PPM1L: variants seen among roughly 807,000 people sequenced by gnomAD.
PPM1L encodes protein phosphatase 1L.
PPM1L carries 13 observed loss-of-function variants against 31.4 expected under a neutral mutation model. The ratio of observed to expected loss-of-function variants is 0.41; its 90% CI spans 0.27 to 0.66. PPM1L has a LOEUF of 0.66. Ranked by LOEUF, PPM1L falls within the 30% of genes least tolerant of loss-of-function variation. The pLI, the probability that PPM1L is intolerant of heterozygous loss-of-function variation, is 0.29. For missense variants in PPM1L, 326 were observed against 453.7 expected, an observed-to-expected ratio of 0.72 and a Z score of 2.56; for synonymous variants, 184 against 175.4, an observed-to-expected ratio of 1.05 and a Z score of -0.39.
At chr3:160,961,314 A>T (rs1715957533) in intron 1 of PPM1L, among the ~76,000 whole-genome samples, 1 of 152,162 alleles carries the variant, frequency 6.6e-6, no homozygotes, top group African/African-American at 2.4e-5. Flanking sequence ...AGTAGAGACT[A>T]ATAAAACAAA....
chr3:160,977,058 A>T (rs1559910990), intron 2 of PPM1L, among the ~76,000 whole-genome samples: 1 of 151,946 alleles, frequency 6.6e-6, no homozygotes, highest in Non-Finnish European at 1.5e-5. Flanking sequence ...CGTCCCAGAG[A>T]TTCTGGTATG....
chr3:160,850,068 A>T (rs1714217255), intron 1 of PPM1L, among the ~76,000 whole-genome samples: 1 of 152,208 alleles, frequency 6.6e-6, no homozygotes, highest in Non-Finnish European at 1.5e-5. Context: ...TCAGACACTG[A>T]TCACAAGTCC....
At chr3:160,913,857 G>T (rs1714060119) in intron 1 of PPM1L, among the ~76,000 whole-genome samples, 1 of 151,952 alleles carries the variant, frequency 6.6e-6, no homozygotes, top group South Asian at 2.1e-4. Flanking sequence ...TCCAGTTTTT[G>T]ACTACCATTA....
intron 2 of PPM1L, among the ~76,000 whole-genome samples, chr3:160,974,204 A>C (rs905533957): frequency 3.0e-4 from 45 of 151,688 alleles, no homozygotes; most frequent in Non-Finnish European, 2.2e-4. Flanking sequence ...CATGAACTCA[A>C]CATTTTTTAT....
chr3:161,041,656 G>A (rs1451846441), intron 2 of PPM1L, among the ~76,000 whole-genome samples: 1 of 152,132 alleles, frequency 6.6e-6, no homozygotes, highest in African/African-American at 2.4e-5. Context: ...GCTGAGGCAG[G>A]AGAATGGTGT....
At chr3:160,979,663 A>G (rs1716730783) in intron 2 of PPM1L, among the ~76,000 whole-genome samples, 2 of 152,084 alleles carry the variant, frequency 1.3e-5, no homozygotes. Flanking sequence ...GGAATTGAGG[A>G]AGGAGACTTA....
At chr3:160,914,838 A>G (rs1434613021) in intron 1 of PPM1L, among the ~76,000 whole-genome samples, 2 of 152,050 alleles carry the variant, frequency 1.3e-5, no homozygotes, top group Non-Finnish European at 2.9e-5. Flanking sequence ...TGGTATTTCT[A>G]GTTCTAGATC....
At chr3:160,818,015 A>G (rs1012952560) in intron 1 of PPM1L, among the ~76,000 whole-genome samples, 2 of 152,010 alleles carry the variant, frequency 1.3e-5, no homozygotes, top group Non-Finnish European at 2.9e-5. Flanking sequence ...AATCACAGTT[A>G]ACAGATGGAA....
intron 1 of PPM1L, among the ~76,000 whole-genome samples, chr3:160,879,819 T>G (rs187965098): frequency 1.3e-5 from 2 of 152,208 alleles, no homozygotes; most frequent in African/African-American, 4.8e-5. Flanking sequence ...CAGCTGGTGC[T>G]TATGCTGCTG....
intron 1 of PPM1L, among the ~76,000 whole-genome samples, chr3:160,762,529 G>A (rs1480083510): frequency 2.0e-5 from 3 of 152,020 alleles, no homozygotes; most frequent in Admixed American, 6.5e-5. Context: ...GTGTCCTCAG[G>A]GAGCATTCTG....
intron 1 of PPM1L, among the ~76,000 whole-genome samples, chr3:160,837,771 A>G (rs1713763350): frequency 6.6e-6 from 1 of 152,184 alleles, no homozygotes; most frequent in Admixed American, 6.5e-5. Context: ...TAAGAGTAAG[A>G]GAAGGGTAGG....
intron 1 of PPM1L, among the ~76,000 whole-genome samples, chr3:160,787,016 T>G (rs1332693180): frequency 1.3e-5 from 2 of 152,210 alleles, no homozygotes; most frequent in Non-Finnish European, 2.9e-5. Context: ...GAGGGGCATC[T>G]AAGTTGATTC....
chr3:160,906,602 TAAAGAAAAGA>T (rs746931085), intron 1 of PPM1L, among the ~76,000 whole-genome samples: 52 of 98,002 alleles, frequency 5.3e-4, no homozygotes, highest in Admixed American at 8.4e-4. Flanking sequence ...CTCTGTCTCA[TAAAGAAAAGA>T]AAAGAAAAGA....
At chr3:161,056,106 G>C (rs1236464610) in intron 2 of PPM1L, among the ~76,000 whole-genome samples, 1 of 152,092 alleles carries the variant, frequency 6.6e-6, no homozygotes, top group Non-Finnish European at 1.5e-5. Context: ...AAGGTTGGAG[G>C]GGGGCAAGGG....
chr3:160,757,376 T>TA (rs1232063533), intron 1 of PPM1L, among the ~76,000 whole-genome samples: 1 of 152,274 alleles, frequency 6.6e-6, no homozygotes, highest in Non-Finnish European at 1.5e-5. Flanking sequence ...CAGAGGTGGC[T>TA]ATGCCCGCAA....
chr3:160,959,094 A>G lies in PPM1L; in HGVS notation c.400-2642A>G, dbSNP rs138472276. On this transcript the variant is annotated intron_variant, in intron 1 of 3. Coordinates refer to ENST00000498165, the MANE Select transcript of PPM1L (RefSeq NM_139245.4). The stretch of plus-strand genomic sequence containing the variant: ...TGGATAAAGAAAATGTGTTGTATAT[A>G]CACCATGGTATGCTACTCAGCCATA... Among the ~76,000 whole-genome samples, 4 of 152,360 alleles carry G rather than the reference A, an allele frequency of 2.6e-5. No homozygotes were observed. The East Asian group carries it at 5.8e-4, about 22-fold the overall frequency.
At chr3:160,828,097 T>G (rs1287188773) in intron 1 of PPM1L, among the ~76,000 whole-genome samples, 1 of 151,908 alleles carries the variant, frequency 6.6e-6, no homozygotes, top group East Asian at 1.9e-4. Context: ...AGGCCGCACC[T>G]CCAGCATTGG....
intron 1 of PPM1L, among the ~76,000 whole-genome samples, chr3:160,859,717 C>T (rs1711829474): frequency 6.6e-6 from 1 of 152,178 alleles, no homozygotes; most frequent in Non-Finnish European, 1.5e-5. Context: ...CAAATGACCC[C>T]TTTCTGAGCC....
chr3:160,946,909 A>G (rs1011135082), intron 1 of PPM1L, among the ~76,000 whole-genome samples: 8 of 152,196 alleles, frequency 5.3e-5, no homozygotes, highest in African/African-American at 1.9e-4. Context: ...TTCATAAAAT[A>G]ATATCTTTTC....
Sources: gnomAD v4.1 joint callset for allele counts (sites outside exome capture counted in the v4.1 genomes callset) on GRCh38, gnomAD v4.1.1 for gene constraint, MANE v1.5 for transcripts, NCBI Gene and HGNC (gene_info 2026-07-23, HGNC 2026-07-21) for gene names.